ASL: variants seen among roughly 807,000 people sequenced by gnomAD.
The protein encoded by ASL is argininosuccinase.
In ASL, 51 loss-of-function variants were observed where a neutral mutation model predicts 69.1. The observed-to-expected ratio is 0.74, with a 90% confidence interval of 0.59 to 0.93. The LOEUF (loss-of-function observed/expected upper bound fraction) is 0.93. Ranked by LOEUF, ASL falls within the 40% of genes least tolerant of loss-of-function variation. The pLI is 0.00. For missense variants in ASL, 540 were observed against 623.9 expected, an observed-to-expected ratio of 0.87 and a Z score of 1.43; for synonymous variants, 241 against 247.6, an observed-to-expected ratio of 0.97 and a Z score of 0.25.
At chr7:66,084,755 G>A (rs951598312) in intron 6 of ASL, among the ~76,000 whole-genome samples, 17 of 152,106 alleles carry the variant, frequency 1.1e-4, no homozygotes, top group African/African-American at 4.1e-4. Context: ...GAGTAGCTGG[G>A]AGTACAGGTG....
Position 66,081,985 on chromosome 7 carries a change from T to A in ASL, c.195T>A (p.His65Gln). 1.2e-6 allele frequency: 2 copies of A among 1,609,286 alleles called. No individual in the cohort carries two copies. The highest frequency in any genetic ancestry group is 1.7e-6 in the Non-Finnish European group (2 of 1,177,978). ...AGGCCGAGATGGACCAGATACTCCATGGCCTAGACAAGGTACTTGCCGTGG... is the reference window on the plus strand; with the variant it reads ...AGGCCGAGATGGACCAGATACTCCAAGGCCTAGACAAGGTACTTGCCGTGG... ...LTKAEMDQIL[H>Q]GLDKVAEEWA... The change falls in exon 3 of 17, where the codon CAT (histidine) becomes CAA (glutamine). Residue 65 changes from histidine (H) to glutamine (Q), a missense_variant. Transcript: ENST00000304874.
rs372272449 is a variant in ASL, at chr7:66,092,851, G to A, written c.1334G>A (p.Arg445His). 2.4e-5 allele frequency: 38 copies of A among 1,613,144 alleles called. No homozygotes were observed. Among genetic ancestry groups the A allele is most frequent in the South Asian group, 1.8e-4 (16 of 91,080 alleles). Residue 445 changes from arginine (R) to histidine (H), a missense_variant, in exon 17 of 17, where the codon CGC (arginine) becomes CAC (histidine). By Grantham distance (29) the Arg-to-His change is conservative (BLOSUM62 0). Transcript: ENST00000304874. The part of the protein sequence containing the change: ...EQYGALGGTA[R>H]SSVDWQIRQV... ...TATGGTGCCCTGGGCGGCACTGCGC[G>A]CTCCAGCGTCGACTGGCAGATCCGC... is the stretch of plus-strand genomic sequence containing the variant.
chr7:66,092,646 G>A lies in ASL; in HGVS notation c.1233G>A (p.Gln411=), dbSNP rs202182043. 1.2e-6 allele frequency: 2 copies of A among 1,613,738 alleles called. No individual in the cohort carries two copies. Among genetic ancestry groups the A allele is most frequent in the East Asian group, 4.5e-5 (2 of 44,856 alleles). The change falls in exon 16 of 17, where the codon CAG becomes CAA. Residue 411 remains glutamine, a synonymous_variant. Transcript: ENST00000304874. ...KGVALNQLSL[Q]ELQTISPLFS... is the part of the protein sequence containing the mutation. ...TCGCCCTCAACCAGCTGTCACTGCA[G>A]GAGCTGCAGACCATCAGGTACGGCC...
chr7:66,089,335 G>C lies in ASL; in HGVS notation c.978G>C (p.Gln326His), dbSNP rs764356037. The change falls in exon 13 of 17, where the codon CAG (glutamine) becomes CAC (histidine). Residue 326 changes from glutamine to histidine, a missense_variant and splice_region_variant. Physicochemically the swap from Gln to His is conservative, Grantham distance 24. Coordinates refer to ENST00000304874, the MANE Select transcript of ASL (RefSeq NM_000048.4). ...CCAGCACCTACAACAAAGACTTACA[G>C]GTGCGAGGCCGGGGGAGGCCTGGCT... ...GLPSTYNKDL[Q>H]EDKEAVFEVS... 5 of 1,603,708 alleles carry C rather than the reference G, an allele frequency of 3.1e-6. No individual in the cohort carries two copies. In the South Asian group the frequency reaches 3.3e-5, roughly 11 times the overall value.
Position 66,092,484 on chromosome 7 carries a change from G to T in ASL, c.1144-73G>T, listed in dbSNP as rs947449261. The stretch of plus-strand genomic sequence containing the variant: ...AAGAAAAAAAAAAAAAAAAGGAAGG[G>T]GGTGCAGGCAATGGAGGCAGATCAG... On this transcript the variant is annotated intron_variant, in intron 15 of 16. Coordinates refer to ENST00000304874, the MANE Select transcript of ASL (RefSeq NM_000048.4). 1.0e-5 allele frequency: 14 copies of T among 1,369,504 alleles called. No homozygotes were observed. The South Asian group carries it at 1.6e-4, about 16-fold the overall frequency. 84.8% of individuals were successfully genotyped at this position (1,369,504 alleles called of 1,614,324 possible). A position where few individuals can be genotyped will look rare whatever the true frequency, so the allele number is the denominator to read the frequency against.
At position 66,089,342 on chromosome 7, in the gene ASL, G is replaced by C; in HGVS notation, c.978+7G>C. 6.3e-7 allele frequency: 1 copy of C among 1,598,982 alleles called. No individual in the cohort carries two copies. The highest frequency in any genetic ancestry group is 8.5e-7 in the Non-Finnish European group (1 of 1,172,398). ...CTACAACAAAGACTTACAGGTGCGAGGCCGGGGGAGGCCTGGCTAGTACGT... is the reference window on the plus strand; with the variant it reads ...CTACAACAAAGACTTACAGGTGCGACGCCGGGGGAGGCCTGGCTAGTACGT... On this transcript the variant is annotated splice_region_variant and intron_variant, in intron 13 of 16. Coordinates refer to ENST00000304874, the MANE Select transcript of ASL (RefSeq NM_000048.4).
chr7:66,081,718 T>C, intron 2 of ASL, 85 bp from the exon 3 acceptor site: 6 of 1,489,754 alleles, frequency 4.0e-6, no homozygotes, highest in Non-Finnish European at 5.4e-6. Context: ...ACCATCAGAC[T>C]TGATAAGTTT....
At chr7:66,080,279 A>C (rs1041311269) in intron 2 of ASL, among the ~76,000 whole-genome samples, 4 of 148,062 alleles carry the variant, frequency 2.7e-5, no homozygotes, top group Non-Finnish European at 5.9e-5. Flanking sequence ...CCAGCTACTC[A>C]GGAGGCTGAG....
intron 2 of ASL, among the ~76,000 whole-genome samples, chr7:66,080,111 G>A (rs531324201): frequency 6.6e-6 from 1 of 151,972 alleles, no homozygotes; most frequent in South Asian, 2.1e-4. Flanking sequence ...GGCCGGGTGT[G>A]GTGGCTCACA....
At position 66,087,462 on chromosome 7, in the gene ASL, C is replaced by T. The variant is rs1034498654; in HGVS notation, c.655+76C>T. 23 of 1,547,846 alleles carry T rather than the reference C, an allele frequency of 1.5e-5. No individual in the cohort carries two copies. In the African/African-American group the frequency reaches 1.9e-4, roughly 13 times the overall value. ...CAAGACCTGCAGACACACCTGAAAC[C>T]AGAGGGCAGGGGCCTGTGGCTCCTG... On this transcript the variant is annotated intron_variant, in intron 9 of 16. Coordinates refer to ENST00000304874, the MANE Select transcript of ASL (RefSeq NM_000048.4).
intron 6 of ASL, 36 bp downstream of exon 6, chr7:66,083,210 G>T: frequency 6.2e-7 from 1 of 1,606,554 alleles, no homozygotes; most frequent in Non-Finnish European, 8.5e-7. Flanking sequence ...GGCAGACAGA[G>T]GTGTGATGGA....
intron 3 of ASL, 138 bp from the exon 4 acceptor site, chr7:66,082,230 C>G (rs758744885): frequency 1.0e-4 from 112 of 1,088,586 alleles, no homozygotes; most frequent in Non-Finnish European, 1.3e-4. Flanking sequence ...GAGATGCCCC[C>G]TCCCAGGGTG....
intron 2 of ASL, among the ~76,000 whole-genome samples, chr7:66,079,936 A>C (rs1311462345): frequency 6.6e-6 from 1 of 152,098 alleles, no homozygotes; most frequent in Non-Finnish European, 1.5e-5. Context: ...TTTTAAAAAA[A>C]TGTCTGGGTG....
chr7:66,086,516 A>G (rs1786665199), intron 6 of ASL, 69 bp from the exon 7 acceptor site: 3 of 1,533,310 alleles, frequency 2.0e-6, no homozygotes, highest in Admixed American at 3.3e-5. Flanking sequence ...CCAGGCCTGC[A>G]GGGTTCCAGT....
chr7:66,087,404 T>G lies in ASL; in HGVS notation c.655+18T>G. 6.2e-7 allele frequency: 1 copy of G among 1,606,064 alleles called. No individual in the cohort carries two copies. The highest frequency in any genetic ancestry group is 8.5e-7 in the Non-Finnish European group (1 of 1,179,706). On this transcript the variant is annotated intron_variant, in intron 9 of 16. Transcript: ENST00000304874. ...CCGAGCAGGTGAGACGTCCTGCCCCTCCTCCCCAGGGAGAATCACCCTCAG... is the reference window on the plus strand; with the variant it reads ...CCGAGCAGGTGAGACGTCCTGCCCCGCCTCCCCAGGGAGAATCACCCTCAG...
chr7:66,078,396 T>C (rs971650385), intron 2 of ASL, among the ~76,000 whole-genome samples: 2 of 151,504 alleles, frequency 1.3e-5, no homozygotes, highest in Non-Finnish European at 2.9e-5. Context: ...CATAGAGGAG[T>C]CAGCTCACAG....
chr7:66,078,949 G>A (rs1244386769), intron 2 of ASL, among the ~76,000 whole-genome samples: 5 of 152,038 alleles, frequency 3.3e-5, no homozygotes, highest in Middle Eastern at 6.8e-3. Flanking sequence ...TTGCTCTGTC[G>A]CCCAGGCTGG....
chr7:66,089,013 C>T, intron 11 of ASL, 78 bp from the exon 12 acceptor site: 2 of 1,609,702 alleles, frequency 1.2e-6, no homozygotes, highest in Non-Finnish European at 1.7e-6. Context: ...CCGTCCCACC[C>T]CTCCGCCAGA....
In ASL at chr7:66,088,837, T is replaced by A. The variant is rs754634171; in HGVS notation, c.749T>A (p.Met250Lys). 1.9e-6 allele frequency: 3 copies of A among 1,614,044 alleles called. No homozygotes were observed. In the South Asian group the frequency reaches 3.3e-5, roughly 18 times the overall value. The stretch of plus-strand genomic sequence containing the variant: ...TTCCTGTTCTGGGCTTCGCTGTGCA[T>A]GACCCATCTCAGCAGGATGGCCGAG... ...AEFLFWASLC[M>K]THLSRMAEDL... is the part of the protein sequence containing the mutation. Residue 250 changes from methionine to lysine, a missense_variant, in exon 11 of 17, where the codon ATG (methionine) becomes AAG (lysine). Coordinates refer to ENST00000304874, the MANE Select transcript of ASL (RefSeq NM_000048.4).
Sources: gnomAD v4.1 joint callset for allele counts (sites outside exome capture counted in the v4.1 genomes callset) on GRCh38, gnomAD v4.1.1 for gene constraint, MANE v1.5 for transcripts, NCBI Gene and HGNC (gene_info 2026-07-23, HGNC 2026-07-21) for gene names.